NCKAP5: variants seen among roughly 807,000 people sequenced by gnomAD.
The protein encoded by NCKAP5 is NCK associated protein 5.
Under a neutral mutation model 167.0 loss-of-function variants are expected in NCKAP5, and 92 were observed. That is an observed-to-expected ratio of 0.55 (90% CI 0.47 to 0.66). The LOEUF (loss-of-function observed/expected upper bound fraction) is 0.66, where lower values mean the gene tolerates loss of function less well. Among genes scored for constraint, NCKAP5 ranks in the 30% least tolerant of loss-of-function variants. The probability of loss-of-function intolerance (pLI) is 0.00; values close to 1 mark genes in which losing one functional copy is unlikely to be tolerated. For synonymous variants in NCKAP5, 891 were observed against 877.4 expected, an observed-to-expected ratio of 1.02 and a Z score of -0.27; for missense variants, 2,378 against 2,315.0, an observed-to-expected ratio of 1.03 and a Z score of -0.56.
chr2:133,193,778 G>A (rs1477302564), intron 5 of NCKAP5, among the ~76,000 whole-genome samples: 1 of 152,076 alleles, frequency 6.6e-6, no homozygotes, highest in Non-Finnish European at 1.5e-5. Flanking sequence ...AGTGGAGCCA[G>A]AGTATTTGTA....
chr2:132,961,355 T>C (rs2076506756), intron 8 of NCKAP5, among the ~76,000 whole-genome samples: 1 of 151,678 alleles, frequency 6.6e-6, no homozygotes, highest in African/African-American at 2.4e-5. Flanking sequence ...CAAACATATA[T>C]TTGTATTTCT....
chr2:132,755,089 C>T (rs1680422063), intron 16 of NCKAP5, among the ~76,000 whole-genome samples: 1 of 152,234 alleles, frequency 6.6e-6, no homozygotes, highest in Non-Finnish European at 1.5e-5. Context: ...ATGAAACTGA[C>T]TCACTCCTAC....
intron 3 of NCKAP5, among the ~76,000 whole-genome samples, chr2:133,504,992 C>T (rs993977168): frequency 5.3e-5 from 8 of 152,128 alleles, no homozygotes; most frequent in African/African-American, 1.9e-4. Flanking sequence ...AGGAGGGTTC[C>T]TCAGGCCAGT....
rs140926108 is a variant in NCKAP5 at position 132,762,638 on chromosome 2, GC to G, written c.5128+11177del. Reference sequence around the variant, plus strand: ...CGCCACCTCGTAGGGCTGCAGGTCTGCCTCTGGCTCTGGCAGCTCAGCTTCC... The same window carrying G: ...CGCCACCTCGTAGGGCTGCAGGTCTGCTCTGGCTCTGGCAGCTCAGCTTCC... On this transcript the variant is annotated intron_variant, in intron 16 of 19. Coordinates refer to ENST00000409261, the MANE Select transcript of NCKAP5 (RefSeq NM_207363.3). 5.6e-3 allele frequency among the ~76,000 whole-genome samples: 859 copies of G among 152,304 alleles called. 13 individuals carry two copies. Among genetic ancestry groups the G allele is most frequent in the African/African-American group, 0.02 (828 of 41,560 alleles).
chr2:133,035,116 C>T (rs1038099959), intron 6 of NCKAP5, among the ~76,000 whole-genome samples: 2 of 151,926 alleles, frequency 1.3e-5, no homozygotes, highest in African/African-American at 4.8e-5. Flanking sequence ...AGTTGCTATA[C>T]TTCTATCAAA....
chr2:133,610,097 C>T, the NCKAP5 span, among the ~76,000 whole-genome samples: 6 of 152,258 alleles, frequency 3.9e-5, no homozygotes, highest in South Asian at 1.2e-3. Context: ...GTCAATACAT[C>T]GCATCGATTT....
At chr2:132,814,662 T>A (rs1686127032) in intron 11 of NCKAP5, among the ~76,000 whole-genome samples, 1 of 152,172 alleles carries the variant, frequency 6.6e-6, no homozygotes. Flanking sequence ...AGAAGTGATC[T>A]CAAGACTTTC....
At chr2:133,309,913 A>G (rs1398741720) in intron 3 of NCKAP5, among the ~76,000 whole-genome samples, 1 of 152,198 alleles carries the variant, frequency 6.6e-6, no homozygotes, top group African/African-American at 2.4e-5. Flanking sequence ...TATAATCAGC[A>G]TAACTTATGG....
intron 4 of NCKAP5, among the ~76,000 whole-genome samples, chr2:133,234,681 T>C (rs969672424): frequency 6.6e-6 from 1 of 152,130 alleles, no homozygotes; most frequent in Admixed American, 6.5e-5. Flanking sequence ...ATGCATTCTT[T>C]ATAATTTTCC....
chr2:133,565,168 C>T (rs958507771), intron 1 of NCKAP5, among the ~76,000 whole-genome samples: 4 of 152,178 alleles, frequency 2.6e-5, no homozygotes, highest in African/African-American at 9.7e-5. Flanking sequence ...ACAAGCCCAG[C>T]ATATTTCAGT....
intron 3 of NCKAP5, among the ~76,000 whole-genome samples, chr2:133,481,632 C>T (rs2320896): frequency 0.56 from 85,310 of 151,934 alleles, 25,078 homozygotes; most frequent in African/African-American, 0.75. Flanking sequence ...CCCCTCTTTG[C>T]GTCCATGTGT....
the NCKAP5 span, among the ~76,000 whole-genome samples, chr2:133,622,545 A>G: frequency 6.6e-6 from 1 of 152,062 alleles, no homozygotes; most frequent in Non-Finnish European, 1.5e-5. Flanking sequence ...ATAGCTGCAA[A>G]CACAAAAACA....
chr2:133,469,209 G>A (rs1330409370), intron 3 of NCKAP5, among the ~76,000 whole-genome samples: 2 of 151,924 alleles, frequency 1.3e-5, no homozygotes, highest in East Asian at 1.9e-4. Context: ...AGGCCTGGTG[G>A]TGACAAAATC....
chr2:133,250,806 T>G (rs895497919), intron 4 of NCKAP5, among the ~76,000 whole-genome samples: 3 of 152,072 alleles, frequency 2.0e-5, no homozygotes, highest in Non-Finnish European at 4.4e-5. Flanking sequence ...GGCACAAACC[T>G]GTAGTCTCAG....
At chr2:133,134,963 T>A (rs2082737780) in intron 5 of NCKAP5, among the ~76,000 whole-genome samples, 1 of 151,010 alleles carries the variant, frequency 6.6e-6, no homozygotes. Flanking sequence ...AGTCGTTTAC[T>A]TACTTGGCCC....
chr2:133,613,738 T>C, the NCKAP5 span, among the ~76,000 whole-genome samples: 4 of 152,132 alleles, frequency 2.6e-5, no homozygotes, highest in East Asian at 7.7e-4. Flanking sequence ...CTTTATTCTC[T>C]TCCCTCTTCT....
chr2:132,956,656 C>T (rs2076353723), intron 8 of NCKAP5, among the ~76,000 whole-genome samples: 1 of 152,170 alleles, frequency 6.6e-6, no homozygotes, highest in Non-Finnish European at 1.5e-5. Flanking sequence ...TTGACTCTCT[C>T]CATGTCTGAC....
the NCKAP5 span, among the ~76,000 whole-genome samples, chr2:133,608,997 T>C: frequency 6.6e-6 from 1 of 152,238 alleles, no homozygotes; most frequent in South Asian, 2.1e-4. Flanking sequence ...AACTATCTAA[T>C]CAGTTACTGA....
chr2:133,179,464 C>A (rs1009876925), intron 5 of NCKAP5, among the ~76,000 whole-genome samples: 7 of 151,678 alleles, frequency 4.6e-5, no homozygotes, highest in Admixed American at 3.9e-4. Flanking sequence ...AAACAAAAAA[C>A]CAAGATCTCT....
Sources: allele counts gnomAD v4.1 joint callset (sites outside exome capture counted in the v4.1 genomes callset), GRCh38; gene constraint gnomAD v4.1.1; transcripts MANE v1.5; gene names NCBI Gene and HGNC (gene_info 2026-07-23, HGNC 2026-07-21).